Variants in NGLY1 observed in about 807,000 individuals in gnomAD.
The protein encoded by NGLY1 is peptide-N(4)-(N-acetyl-beta-glucosaminyl)asparagine amidase.
Under a neutral mutation model 84.6 loss-of-function variants are expected in NGLY1, and 68 were observed. That is an observed-to-expected ratio of 0.80 (90% CI 0.66 to 0.98). The LOEUF (loss-of-function observed/expected upper bound fraction) is 0.98. Among genes scored for constraint, NGLY1 ranks in the 50% least tolerant of loss-of-function variants. The pLI is 0.00. For missense variants in NGLY1, 779 were observed against 770.2 expected, an observed-to-expected ratio of 1.01 and a Z score of -0.14; for synonymous variants, 280 against 275.2, an observed-to-expected ratio of 1.02 and a Z score of -0.17.
intron 9 of NGLY1, among the ~76,000 whole-genome samples, chr3:25,731,564 T>C (rs1464717904): frequency 6.6e-6 from 1 of 152,132 alleles, no homozygotes; most frequent in Non-Finnish European, 1.5e-5. Flanking sequence ...AATATACTCA[T>C]ACTCTATTAC....
intron 3 of NGLY1, chr3:25,754,793 T>TTTC: frequency 2.4e-6 from 1 of 409,556 alleles, no homozygotes; most frequent in African/African-American, 2.0e-5. Flanking sequence ...TCGTGCTTTT[T>TTTC]TTTTTTTTTT....
chr3:25,753,562 C>T (rs925324482), intron 3 of NGLY1, among the ~76,000 whole-genome samples: 10 of 151,896 alleles, frequency 6.6e-5, no homozygotes, highest in East Asian at 3.9e-4. Flanking sequence ...GGAAAGGTAG[C>T]AAGGAAGGGA....
chr3:25,748,692 TAATC>T (rs769010251), intron 4 of NGLY1, among the ~76,000 whole-genome samples: 5 of 152,182 alleles, frequency 3.3e-5, no homozygotes, highest in Non-Finnish European at 7.3e-5. Flanking sequence ...AACCTACTCT[TAATC>T]AATAAATAAT....
chr3:25,736,460 A>T, intron 6 of NGLY1: 1 of 1,376,038 alleles, frequency 7.3e-7, no homozygotes, highest in Non-Finnish European at 1.0e-6. Flanking sequence ...GTTTACTATC[A>T]TGAAGGAGTT....
chr3:25,735,930 C>T (rs1705791334), intron 7 of NGLY1, 74 bp downstream of exon 7: 12 of 1,266,320 alleles, frequency 9.5e-6, no homozygotes, highest in Admixed American at 8.1e-5. Context: ...GTTAATTATA[C>T]ATTCATGAAG....
chr3:25,759,853 T>C (rs567043185), intron 3 of NGLY1, among the ~76,000 whole-genome samples: 2 of 152,090 alleles, frequency 1.3e-5, no homozygotes, highest in East Asian at 3.9e-4. Context: ...GTGTATAATT[T>C]TGTCAAATCG....
chr3:25,744,522 C>T (rs952233010), intron 4 of NGLY1, among the ~76,000 whole-genome samples: 15 of 152,176 alleles, frequency 9.9e-5, no homozygotes, highest in Non-Finnish European at 1.8e-4. Context: ...ACTTGGCCAG[C>T]GGGGGCTTCG....
chr3:25,729,488 G>GTTA (rs1007009639), intron 9 of NGLY1, 170 bp from the exon 10 acceptor site: 4 of 381,728 alleles, frequency 1.0e-5, no homozygotes, highest in African/African-American at 8.3e-5. Flanking sequence ...TCAGTATGAT[G>GTTA]TTATTATAAC....
At chr3:25,753,020 A>G (rs11129207) in intron 3 of NGLY1, among the ~76,000 whole-genome samples, 109,238 of 151,750 alleles carry the variant, frequency 0.72, 41,919 homozygotes, top group East Asian at 0.94. Flanking sequence ...AGACAGTAAA[A>G]ACAATGGAAG....
At position 25,783,409 on chromosome 3, in the gene NGLY1, G is replaced by T; in HGVS notation, c.-19C>A. On this transcript the variant is annotated 5_prime_UTR_variant, in exon 1 of 12. Transcript: ENST00000280700. This position sits in a 1 kb window ranked among gnomAD's most constrained non-coding sequence, Gnocchi z 4.5. Reference sequence around the variant, plus strand: ...CCGCCATGCTTGAGCGCCAGCGGGCGCCGCCGCCGCCCCTCGCTCTCCGCG... The same window carrying T: ...CCGCCATGCTTGAGCGCCAGCGGGCTCCGCCGCCGCCCCTCGCTCTCCGCG... The T allele has an allele frequency of 6.6e-7, 1 of 1,520,664 alleles. No homozygotes were observed. 94.2% of individuals were successfully genotyped at this position (1,520,664 alleles called of 1,614,324 possible). A position where few individuals can be genotyped will look rare whatever the true frequency, so the allele number is the denominator to read the frequency against.
chr3:25,781,328 C>G (rs898121716), intron 1 of NGLY1, among the ~76,000 whole-genome samples: 2 of 152,106 alleles, frequency 1.3e-5, no homozygotes. Context: ...CAAACAGGCT[C>G]CAGCAATGAC....
upstream of NGLY1, among the ~76,000 whole-genome samples, chr3:25,786,456 G>A (rs1708605563): frequency 6.6e-6 from 1 of 152,062 alleles, no homozygotes; most frequent in African/African-American, 2.4e-5. Flanking sequence ...GAATTTCAAT[G>A]CTGATTTAGT....
At chr3:25,747,592 G>A (rs1203678042) in intron 4 of NGLY1, among the ~76,000 whole-genome samples, 2 of 152,040 alleles carry the variant, frequency 1.3e-5, no homozygotes, top group African/African-American at 4.8e-5. Context: ...GCCTTCAGAT[G>A]GATTTCTGGT....
chr3:25,723,709 G>A (rs532862962), intron 10 of NGLY1, among the ~76,000 whole-genome samples: 1 of 151,568 alleles, frequency 6.6e-6, no homozygotes, highest in Non-Finnish European at 1.5e-5. Flanking sequence ...TCCTAACATC[G>A]TGAGTTATTT....
intron 3 of NGLY1, among the ~76,000 whole-genome samples, chr3:25,762,071 C>T (rs1029451258): frequency 2.6e-5 from 4 of 151,994 alleles, no homozygotes; most frequent in African/African-American, 9.7e-5. Context: ...TATTTTGTAT[C>T]TTAAAAGCTT....
chr3:25,766,568 T>G (rs938423887), intron 2 of NGLY1, among the ~76,000 whole-genome samples: 1 of 152,196 alleles, frequency 6.6e-6, no homozygotes, highest in African/African-American at 2.4e-5. Context: ...ACAACTGTAA[T>G]GATTAGACGA....
At chr3:25,768,005 C>T (rs1427272135) in intron 2 of NGLY1, among the ~76,000 whole-genome samples, 3 of 147,544 alleles carry the variant, frequency 2.0e-5, no homozygotes, top group Admixed American at 6.9e-5. Flanking sequence ...CCCAGCTACT[C>T]GGGAGGCTGA....
intron 6 of NGLY1, chr3:25,736,687 C>A (rs1483963178): frequency 3.7e-6 from 1 of 267,512 alleles, no homozygotes; most frequent in African/African-American, 2.2e-5. Context: ...TAAATAGGGA[C>A]AACACAAATA....
rs1429908997 is a variant in NGLY1 at position 25,737,260 on chromosome 3, T to C, written c.1003+74A>G. On this transcript the variant is annotated intron_variant, in intron 6 of 11. Coordinates refer to ENST00000280700, the MANE Select transcript of NGLY1 (RefSeq NM_018297.4). ...AAGGCCAAAAAGTAACAGAGAATCA[T>C]GGGCTCAGAATGTAAACCCAAACCT... The C allele has an allele frequency of 4.7e-6, 6 of 1,285,558 alleles. No homozygotes were observed. The African/African-American group carries it at 7.5e-5, about 16-fold the overall frequency. The allele number at this position is 1,285,558 out of a possible 1,614,324, so 79.6% of individuals were successfully genotyped here.
Sources: gnomAD v4.1 joint callset for allele counts (sites outside exome capture counted in the v4.1 genomes callset) on GRCh38, gnomAD v4.1.1 for gene constraint, Gnocchi (gnomAD v3.1) non-coding constraint, MANE v1.5 for transcripts, NCBI Gene and HGNC (gene_info 2026-07-23, HGNC 2026-07-21) for gene names.